Variants in ZNF723 observed in about 807,000 individuals in gnomAD.
ZNF723 encodes zinc finger protein 723, pseudogene.
In ZNF723, 5 loss-of-function variants were observed where a neutral mutation model predicts 9.4. The observed-to-expected ratio is 0.53, with a 90% CI of 0.28 to 1.12. The LOEUF is 1.12. Ranked by LOEUF, ZNF723 falls within the 50% of genes most tolerant of loss-of-function variation. The pLI is 0.10. For missense variants in ZNF723, 450 were observed against 501.5 expected, an observed-to-expected ratio of 0.90 and a Z score of 0.98; for synonymous variants, 158 against 168.8, an observed-to-expected ratio of 0.94 and a Z score of 0.49.
chr19:22,849,685 G>A (rs899625436), intron 3 of ZNF723, among the ~76,000 whole-genome samples: 4 of 152,264 alleles, frequency 2.6e-5, no homozygotes, highest in African/African-American at 7.2e-5. Context: ...GAGGCGGGTG[G>A]ATCACCTGAG....
In ZNF723 at chr19:22,848,368, C is replaced by G; in HGVS notation, c.111C>G (p.Tyr37Ter). ...NLYRDVMLENYRNLVFLGVGV... is the reference protein window; with the variant it reads ...NLYRDVMLEN Reference sequence around the variant, plus strand: ...ATAGGGATGTGATGTTAGAGAACTACAGAAACCTGGTCTTCCTGGGTGAGA... The same window carrying G: ...ATAGGGATGTGATGTTAGAGAACTAGAGAAACCTGGTCTTCCTGGGTGAGA... The change falls in exon 2 of 4, where the codon TAC becomes TAG. Residue 37 changes from tyrosine (Y) to a stop codon, truncating the protein, a stop_gained. Transcript: ENST00000600766. LOFTEE classifies it high-confidence loss of function. 2 of 1,468,864 alleles carry G rather than the reference C, an allele frequency of 1.4e-6. No individual in the cohort carries two copies. Among genetic ancestry groups the G allele is most frequent in the Non-Finnish European group, 1.9e-6 (2 of 1,053,412 alleles). The allele number at this position is 1,468,864 out of a possible 1,614,324, so 91.0% of individuals were successfully genotyped here.
At chr19:22,836,560 C>G (rs1445360419) in intron 1 of ZNF723, among the ~76,000 whole-genome samples, 1 of 152,082 alleles carries the variant, frequency 6.6e-6, no homozygotes. Flanking sequence ...TTCTAGATCA[C>G]AGAATATTTT....
intron 1 of ZNF723, among the ~76,000 whole-genome samples, chr19:22,838,829 C>T (rs1967202150): frequency 6.6e-6 from 1 of 152,060 alleles, no homozygotes; most frequent in South Asian, 2.1e-4. Flanking sequence ...CTCACCGCAA[C>T]CTCTGCCTCC....
chr19:22,836,449 T>C (rs1050965923), intron 1 of ZNF723, among the ~76,000 whole-genome samples: 12 of 152,158 alleles, frequency 7.9e-5, no homozygotes, highest in African/African-American at 2.9e-4. Context: ...ATTTAAGGAT[T>C]GCAAAGGATA....
intron 3 of ZNF723, among the ~76,000 whole-genome samples, chr19:22,850,337 G>A (rs749416690): frequency 1.5e-4 from 23 of 151,798 alleles, no homozygotes; most frequent in Admixed American, 3.3e-4. Context: ...CTCCCGAGTA[G>A]CTGGGATTAC....
intron 1 of ZNF723, among the ~76,000 whole-genome samples, chr19:22,841,181 C>T (rs1271264141): frequency 1.3e-5 from 2 of 152,210 alleles, no homozygotes; most frequent in Admixed American, 6.5e-5. Flanking sequence ...AGAGTGGGAG[C>T]CTACCTTCAG....
the ZNF723 span, among the ~76,000 whole-genome samples, chr19:22,821,414 C>T: frequency 6.6e-6 from 1 of 152,140 alleles, no homozygotes; most frequent in Non-Finnish European, 1.5e-5. Flanking sequence ...GTTATATATT[C>T]TCTCCTGCCT....
chr19:22,828,689 G>T (rs758930475), upstream of ZNF723, among the ~76,000 whole-genome samples: 7 of 152,000 alleles, frequency 4.6e-5, no homozygotes, highest in Non-Finnish European at 8.8e-5. Flanking sequence ...GGAGGCCATC[G>T]TTCTAAACTG....
At chr19:22,853,909 C>T (rs1398926109) in intron 3 of ZNF723, among the ~76,000 whole-genome samples, 2 of 151,930 alleles carry the variant, frequency 1.3e-5, no homozygotes, top group African/African-American at 4.8e-5. Flanking sequence ...TCATCACAAC[C>T]GGCCATATGA....
chr19:22,819,220 G>T, the ZNF723 span, among the ~76,000 whole-genome samples: 1 of 152,210 alleles, frequency 6.6e-6, no homozygotes, highest in East Asian at 1.9e-4. Context: ...CCTGCCCACA[G>T]GAGGCAATGT....
chr19:22,846,813 CTTTTTTTTTTTTTTT>C (rs760924027), intron 1 of ZNF723, among the ~76,000 whole-genome samples: 2 of 69,112 alleles, frequency 2.9e-5, no homozygotes, highest in African/African-American at 1.2e-4. Context: ...CTATAATTTC[CTTTTTTTTTTTTTTT>C]TTTTTTTTTT....
chr19:22,823,130 A>C, the ZNF723 span, among the ~76,000 whole-genome samples: 838 of 152,296 alleles, frequency 5.5e-3, 9 homozygotes, highest in African/African-American at 0.017. Flanking sequence ...GCTTAGGACA[A>C]TGGGTAAGAT....
the ZNF723 span, among the ~76,000 whole-genome samples, chr19:22,826,862 T>C: frequency 6.6e-6 from 1 of 152,230 alleles, no homozygotes; most frequent in Non-Finnish European, 1.5e-5. Flanking sequence ...TTCACCTTGA[T>C]AGGTAAAAGA....
the ZNF723 span, among the ~76,000 whole-genome samples, chr19:22,817,915 C>G: frequency 6.6e-6 from 1 of 152,082 alleles, no homozygotes; most frequent in African/African-American, 2.4e-5. Flanking sequence ...CATGTGCACA[C>G]TGTGCCAACC....
chr19:22,833,403 G>T (rs868094788), intron 1 of ZNF723, among the ~76,000 whole-genome samples: 20 of 151,762 alleles, frequency 1.3e-4, no homozygotes, highest in African/African-American at 4.6e-4. Flanking sequence ...CGCCCGCCTC[G>T]GCCTCCCAAA....
At chr19:22,812,949 GT>G in the ZNF723 span, among the ~76,000 whole-genome samples, 3 of 125,284 alleles carry the variant, frequency 2.4e-5, no homozygotes, top group Non-Finnish European at 3.4e-5. Context: ...TATAGAAGGT[GT>G]TTTTTTTGTT....
At position 22,858,494 on chromosome 19, in the gene ZNF723, A is replaced by T. The variant is rs185851499; in HGVS notation, c.*61A>T. On this transcript the variant is annotated 3_prime_UTR_variant, in exon 4 of 4. Coordinates refer to ENST00000600766, the MANE Select transcript of ZNF723 (RefSeq NM_001349726.2). The stretch of plus-strand genomic sequence containing the variant: ...ATAAAAGAAATGCTGGTGGCCAGGC[A>T]CAGTAGCTTACGCCTGTAATCCCAG... The T allele has an allele frequency of 4.9e-6, 3 of 612,814 alleles. No homozygotes were observed. In the African/African-American group the frequency reaches 5.5e-5, roughly 11 times the overall value. 38.0% of individuals were successfully genotyped at this position (612,814 alleles called of 1,614,324 possible). A position where few individuals can be genotyped will look rare whatever the true frequency, so the allele number is the denominator to read the frequency against.
chr19:22,835,382 T>C (rs546598218), intron 1 of ZNF723, among the ~76,000 whole-genome samples: 50 of 152,172 alleles, frequency 3.3e-4, no homozygotes, highest in African/African-American at 1.1e-3. Context: ...TTTGCTTATA[T>C]TGACTTCAGT....
intron 3 of ZNF723, among the ~76,000 whole-genome samples, chr19:22,853,325 C>T (rs2145229071): frequency 6.6e-6 from 1 of 151,880 alleles, no homozygotes; most frequent in South Asian, 2.1e-4. Flanking sequence ...TATACTTTTG[C>T]TATTGCTGTT....
Sources: allele counts gnomAD v4.1 joint callset (sites outside exome capture counted in the v4.1 genomes callset), GRCh38; gene constraint gnomAD v4.1.1; transcripts MANE v1.5; gene names NCBI Gene and HGNC (gene_info 2026-07-23, HGNC 2026-07-21).